Variants in BPIFB4 observed in about 807,000 individuals in gnomAD.
BPIFB4 encodes BPI fold-containing family B member 4.
In BPIFB4, 62 loss-of-function variants were observed where a neutral mutation model predicts 69.2. The observed-to-expected ratio is 0.90, with a 90% CI of 0.73 to 1.11. The LOEUF is 1.11. Ranked by LOEUF, BPIFB4 falls within the 50% of genes least tolerant of loss-of-function variation. BPIFB4 has a pLI of 0.00. For synonymous variants in BPIFB4, 330 were observed against 332.7 expected (o/e 0.99, Z 0.09); for missense variants, 789 against 792.0 (o/e 1.00, Z 0.04).
chr20:33,087,440 G>T (rs953587352), intron 7 of BPIFB4, among the ~76,000 whole-genome samples: 2 of 152,028 alleles, frequency 1.3e-5, no homozygotes, highest in African/African-American at 4.8e-5. Context: ...ACCCTATTGG[G>T]AGAATTTTCT....
At chr20:33,089,117 G>T in intron 8 of BPIFB4, 88 bp downstream of exon 8, 1 of 1,593,634 alleles carries the variant, frequency 6.3e-7, no homozygotes. Flanking sequence ...CTGGGGGCCT[G>T]CAGGTAACCC....
intron 10 of BPIFB4, 149 bp from the exon 11 acceptor site, chr20:33,092,308 TG>T: frequency 1.6e-6 from 1 of 630,946 alleles, no homozygotes. Context: ...TGGAGGAGAG[TG>T]GGGACCATGC....
rs759201648 is a variant in BPIFB4 at position 33,090,683 on chromosome 20, C to A, written c.1052-25C>A. ...GCATCTGGATGGTGAGGGGACCTCC[C>A]TGTGACCCTCTCCTTTGCCTGCAGC... On this transcript the variant is annotated intron_variant, in intron 9 of 17. Coordinates refer to ENST00000375483, the MANE Select transcript of BPIFB4 (RefSeq NM_182519.3). The A allele has an allele frequency of 1.8e-5, 29 of 1,613,390 alleles. No homozygotes were observed. In the South Asian group the frequency reaches 3.2e-4, roughly 18 times the overall value.
chr20:33,084,047 G>C (rs1027212830), intron 5 of BPIFB4, among the ~76,000 whole-genome samples, 173 bp downstream of exon 5: 4 of 152,122 alleles, frequency 2.6e-5, no homozygotes, highest in Admixed American at 1.3e-4. Flanking sequence ...TTGGGTCTTG[G>C]CATGAAACAG....
chr20:33,099,950 G>A (rs1361358425), intron 13 of BPIFB4, among the ~76,000 whole-genome samples: 1 of 152,164 alleles, frequency 6.6e-6, no homozygotes, highest in Non-Finnish European at 1.5e-5. Flanking sequence ...AGATGAGCCT[G>A]GGCCTTTTAT....
At chr20:33,084,804 C>T (rs1424616657) in intron 5 of BPIFB4, 88 bp from the exon 6 acceptor site, 2 of 1,514,128 alleles carry the variant, frequency 1.3e-6, no homozygotes, top group African/African-American at 1.4e-5. Context: ...AGACGGGGAG[C>T]AGAGAAAGGG....
intron 17 of BPIFB4, among the ~76,000 whole-genome samples, chr20:33,109,112 T>C (rs1488619748): frequency 6.6e-6 from 1 of 152,160 alleles, no homozygotes; most frequent in Non-Finnish European, 1.5e-5. Context: ...TGAGATCCTG[T>C]AGGACCTCGG....
chr20:33,098,991 T>A (rs574013767), intron 13 of BPIFB4, among the ~76,000 whole-genome samples: 14 of 151,898 alleles, frequency 9.2e-5, no homozygotes, highest in Admixed American at 4.6e-4. Flanking sequence ...CTTCCTTTTT[T>A]TTTTTTTTTC....
At chr20:33,103,077 C>T (rs1026454027) in intron 15 of BPIFB4, 63 bp downstream of exon 15, 14 of 1,554,808 alleles carry the variant, frequency 9.0e-6, no homozygotes, top group Admixed American at 1.7e-5. Flanking sequence ...ACGTGTCTTC[C>T]GGGAATGGTG....
intron 13 of BPIFB4, 70 bp downstream of exon 13, chr20:33,097,857 C>T (rs922513155): frequency 2.1e-6 from 3 of 1,449,860 alleles, no homozygotes; most frequent in Non-Finnish European, 2.8e-6. Flanking sequence ...TCCTGGAGCC[C>T]AAAGACCCCT....
intron 3 of BPIFB4, among the ~76,000 whole-genome samples, chr20:33,082,578 C>T (rs1046541142): frequency 6.6e-6 from 1 of 152,190 alleles, no homozygotes; most frequent in African/African-American, 2.4e-5. Flanking sequence ...ATAATCCACC[C>T]TCCTCAGCCT....
chr20:33,082,944 C>G lies in BPIFB4; in HGVS notation c.113C>G (p.Ser38Ter). 6.2e-7 allele frequency: 1 copy of G among 1,613,284 alleles called. No homozygotes were observed. Among genetic ancestry groups the G allele is most frequent in the South Asian group, 1.1e-5 (1 of 91,038 alleles). The change falls in exon 4 of 18, where the codon TCA (serine) becomes TGA (stop). Residue 38 changes from serine to a stop codon, truncating the protein, a stop_gained. Transcript: ENST00000375483. LOFTEE classifies it high-confidence loss of function. ...VTKDVLSNAI[S>*]GMLQQSDALH... is the part of the protein sequence containing the mutation. ...TGCCCTTGCCTCTCTGCAGCCATTTCAGGCATGCTGCAGCAAAGTGATGCT... is the reference window on the plus strand; with the variant it reads ...TGCCCTTGCCTCTCTGCAGCCATTTGAGGCATGCTGCAGCAAAGTGATGCT...
intron 12 of BPIFB4, 108 bp downstream of exon 12, chr20:33,095,261 C>T (rs573309867): frequency 1.4e-4 from 167 of 1,204,752 alleles, no homozygotes; most frequent in Middle Eastern, 2.5e-4. Context: ...TGCTCTCCCC[C>T]GAACCCCTGC....
intron 9 of BPIFB4, 116 bp from the exon 10 acceptor site, chr20:33,090,592 T>C: frequency 6.7e-7 from 1 of 1,496,848 alleles, no homozygotes. Flanking sequence ...GCTCTTTTCA[T>C]GGTGTCTGGA....
intron 12 of BPIFB4, among the ~76,000 whole-genome samples, chr20:33,095,964 G>GT (rs1981742430): frequency 6.6e-6 from 1 of 152,168 alleles, no homozygotes; most frequent in African/African-American, 2.4e-5. Flanking sequence ...TCTGTACCTA[G>GT]TAAGTGTTAT....
chr20:33,095,583 T>A (rs1334532191), intron 12 of BPIFB4, among the ~76,000 whole-genome samples: 2 of 152,152 alleles, frequency 1.3e-5, no homozygotes, highest in African/African-American at 4.8e-5. Flanking sequence ...GGTGCACAGC[T>A]GCTTAGAGGG....
At chr20:33,098,637 C>T (rs955357467) in intron 13 of BPIFB4, among the ~76,000 whole-genome samples, 7 of 150,992 alleles carry the variant, frequency 4.6e-5, no homozygotes, top group Non-Finnish European at 8.8e-5. Flanking sequence ...CCCAGCTACT[C>T]GGGAGGCTGA....
intron 14 of BPIFB4, among the ~76,000 whole-genome samples, chr20:33,101,824 G>A (rs2424954): frequency 0.079 from 11,998 of 152,276 alleles, 525 homozygotes; most frequent in Middle Eastern, 0.13. Flanking sequence ...GGGATTATGG[G>A]CATGAGCCAC....
rs759497003 is a variant in BPIFB4, at chr20:33,083,373, G to A, written c.176G>A (p.Gly59Asp). ...SALREVPLGV[G>D]DIPYNDFHVR... ...CGCATTGAATTCCCCCGAGGTGTTGGTGATATTCCCTACAATGACTTCCAT... is the reference window on the plus strand; with the variant it reads ...CGCATTGAATTCCCCCGAGGTGTTGATGATATTCCCTACAATGACTTCCAT... Residue 59 changes from glycine to aspartate, a missense_variant, in exon 5 of 18, where the codon GGT becomes GAT. Gly to Asp is a moderately conservative substitution (Grantham distance 94). Coordinates refer to ENST00000375483, the MANE Select transcript of BPIFB4 (RefSeq NM_182519.3). The A allele has an allele frequency of 1.3e-5, 21 of 1,612,820 alleles. No homozygotes were observed. Among genetic ancestry groups the A allele is most frequent in the African/African-American group, 2.7e-5 (2 of 74,736 alleles).
Sources: allele counts gnomAD v4.1 joint callset (sites outside exome capture counted in the v4.1 genomes callset), GRCh38; gene constraint gnomAD v4.1.1; transcripts MANE v1.5; gene names NCBI Gene and HGNC (gene_info 2026-07-23, HGNC 2026-07-21).